The following AKAP13 variants were observed in gnomAD, a reference collection of about 807,000 sequenced individuals.
The protein encoded by AKAP13 is A-kinase anchor protein 13.
Under a neutral mutation model 264.5 loss-of-function variants are expected in AKAP13, and 80 were observed. The ratio of observed to expected loss-of-function variants is 0.30; its 90% confidence interval spans 0.25 to 0.36. The LOEUF (loss-of-function observed/expected upper bound fraction) is 0.36, where lower values mean the gene tolerates loss of function less well. AKAP13 is among the 10% of genes least tolerant of loss of function. The pLI is 1.00. For missense variants in AKAP13, 3,712 were observed against 3,435.2 expected, an observed-to-expected ratio of 1.08 and a Z score of -2.01; for synonymous variants, 1,380 against 1,250.2, an observed-to-expected ratio of 1.10 and a Z score of -2.19.
chr15:85,505,592 T>TGAA (rs1228090740), intron 2 of AKAP13, among the ~76,000 whole-genome samples: 1 of 152,168 alleles, frequency 6.6e-6, no homozygotes, highest in Non-Finnish European at 1.5e-5. Flanking sequence ...TTTCTAACAG[T>TGAA]GAAGTCAACC....
intron 8 of AKAP13, among the ~76,000 whole-genome samples, chr15:85,601,607 T>TG (rs1491120332): frequency 0.013 from 1,851 of 140,706 alleles, 32 homozygotes; most frequent in African/African-American, 0.045. Context: ...ACCTGAATTC[T>TG]TTGTGTGTGT....
intron 9 of AKAP13, among the ~76,000 whole-genome samples, chr15:85,645,329 C>G (rs1302483343): frequency 6.6e-6 from 1 of 152,040 alleles, no homozygotes; most frequent in East Asian, 1.9e-4. Flanking sequence ...ATTATGCCCC[C>G]AATTTAAGAG....
chr15:85,389,873 T>A (rs1423734436), intron 1 of AKAP13: 1 of 152,226 alleles, frequency 6.6e-6, no homozygotes, highest in Non-Finnish European at 1.5e-5. Context: ...TTCTAAAAGA[T>A]CTGTAACACT....
chr15:85,571,048 G>A (rs1381804381), intron 5 of AKAP13, among the ~76,000 whole-genome samples: 2 of 151,640 alleles, frequency 1.3e-5, no homozygotes, highest in East Asian at 3.9e-4. Flanking sequence ...TTTTGAGAAT[G>A]AAGTAGGCAA....
intron 13 of AKAP13, among the ~76,000 whole-genome samples, chr15:85,667,926 T>C (rs1447782777): frequency 6.6e-6 from 1 of 152,248 alleles, no homozygotes; most frequent in Non-Finnish European, 1.5e-5. Flanking sequence ...TAAAATGGAC[T>C]GTCTTTCTGA....
At chr15:85,478,763 G>C (rs1391403701) in intron 1 of AKAP13, among the ~76,000 whole-genome samples, 9 of 151,890 alleles carry the variant, frequency 5.9e-5, no homozygotes, top group Admixed American at 5.9e-4. Context: ...TTGGTGGCTA[G>C]TAAGTACCAT....
intron 2 of AKAP13, among the ~76,000 whole-genome samples, chr15:85,492,208 A>G (rs1336764596): frequency 6.6e-6 from 1 of 152,216 alleles, no homozygotes; most frequent in Non-Finnish European, 1.5e-5. Flanking sequence ...TAAAAGATTT[A>G]ATGGGTTTTA....
At chr15:85,586,946 G>A (rs992203324) in intron 8 of AKAP13, among the ~76,000 whole-genome samples, 3 of 150,358 alleles carry the variant, frequency 2.0e-5, no homozygotes, top group East Asian at 3.9e-4. Flanking sequence ...AAAAATAAGA[G>A]AATAAAAGGT....
chr15:85,562,092 A>G (rs534991980), intron 5 of AKAP13, among the ~76,000 whole-genome samples: 72 of 152,274 alleles, frequency 4.7e-4, no homozygotes, highest in African/African-American at 1.7e-3. Context: ...TTACGGTAAT[A>G]ATATTCTCCT....
rs1159281330 is a variant in AKAP13, at chr15:85,715,773, G to A, written c.5600-15G>A. ...CTGGATGGGTGATGCTTCAGTTAGT[G>A]TCCTCCTTTTGCAGCCTCACAGCCC... On this transcript the variant is annotated splice_polypyrimidine_tract_variant and intron_variant, in intron 19 of 36. Transcript: ENST00000394518. 1.2e-6 allele frequency: 2 copies of A among 1,602,670 alleles called. No individual in the cohort carries two copies. Among genetic ancestry groups the A allele is most frequent in the East Asian group, 2.3e-5 (1 of 44,396 alleles).
At chr15:85,712,905 A>G (rs573939521) in intron 19 of AKAP13, among the ~76,000 whole-genome samples, 1 of 152,196 alleles carries the variant, frequency 6.6e-6, no homozygotes, top group Non-Finnish European at 1.5e-5. Context: ...TGTAGAGTAC[A>G]GATTGTGAAT....
At chr15:85,681,226 G>A (rs553997706) in intron 14 of AKAP13, among the ~76,000 whole-genome samples, 2 of 152,302 alleles carry the variant, frequency 1.3e-5, no homozygotes, top group South Asian at 4.1e-4. Flanking sequence ...AAAAAGGAAG[G>A]TGTTTTGTCT....
At chr15:85,740,775 A>ACCCCCCCCCCCCCCCCCCCCCCCCCC (rs34080252) in intron 34 of AKAP13, among the ~76,000 whole-genome samples, 1 of 67,388 alleles carries the variant, frequency 1.5e-5, no homozygotes. Context: ...ACACACAACC[A>ACCCCCCCCCCCCCCCCCCCCCCCCCC]CCCCCCCCCC....
At chr15:85,448,393 C>CT (rs1199161348) in intron 1 of AKAP13, among the ~76,000 whole-genome samples, 5 of 152,096 alleles carry the variant, frequency 3.3e-5, no homozygotes, top group East Asian at 3.9e-4. Flanking sequence ...TCAATTTTTC[C>CT]TTTTTTTCGT....
At chr15:85,468,433 A>G (rs1411786706) in intron 1 of AKAP13, among the ~76,000 whole-genome samples, 1 of 152,240 alleles carries the variant, frequency 6.6e-6, no homozygotes, top group Non-Finnish European at 1.5e-5. Flanking sequence ...CTTTGGAAAC[A>G]GACTGAGATA....
intron 1 of AKAP13, among the ~76,000 whole-genome samples, chr15:85,416,283 G>A (rs901869226): frequency 1.3e-5 from 2 of 152,140 alleles, no homozygotes; most frequent in Non-Finnish European, 2.9e-5. Flanking sequence ...AATAAAAGAT[G>A]TCCTGTTTCA....
chr15:85,569,366 A>G (rs1041697635), intron 5 of AKAP13, among the ~76,000 whole-genome samples: 3 of 152,168 alleles, frequency 2.0e-5, no homozygotes, highest in African/African-American at 7.2e-5. Flanking sequence ...CAGGGAAAAC[A>G]GTAGATGTAT....
chr15:85,707,800 C>T (rs534666785), intron 17 of AKAP13, among the ~76,000 whole-genome samples: 20 of 139,610 alleles, frequency 1.4e-4, no homozygotes, highest in African/African-American at 3.1e-4. Flanking sequence ...ACACAAACAC[C>T]GAAAAAAAAA....
At chr15:85,629,626 C>T (rs1368078655) in intron 8 of AKAP13, among the ~76,000 whole-genome samples, 1 of 152,098 alleles carries the variant, frequency 6.6e-6, no homozygotes, top group Non-Finnish European at 1.5e-5. Context: ...CTCCACAAAT[C>T]ACCAAGCCTC....
Sources: allele counts gnomAD v4.1 joint callset (sites outside exome capture counted in the v4.1 genomes callset), GRCh38; gene constraint gnomAD v4.1.1; transcripts MANE v1.5; gene names NCBI Gene and HGNC (gene_info 2026-07-23, HGNC 2026-07-21).